The following PIAS1 variants were observed in gnomAD, a reference collection of about 807,000 sequenced individuals.
PIAS1 encodes the protein E3 SUMO-protein ligase PIAS1.
A neutral mutation model predicts 71.3 loss-of-function variants in PIAS1; 6 were observed. That is an observed-to-expected ratio of 0.08 (90% CI 0.05 to 0.17). The LOEUF is 0.17. PIAS1 is among the 10% of genes least tolerant of loss of function. PIAS1 has a pLI of 1.00. For missense variants in PIAS1, 555 were observed against 793.6 expected (o/e 0.70, Z 3.61); for synonymous variants, 303 against 292.9 (o/e 1.03, Z -0.35).
At chr15:68,070,497 G>T (rs545185034) in intron 1 of PIAS1, among the ~76,000 whole-genome samples, 1 of 152,238 alleles carries the variant, frequency 6.6e-6, no homozygotes, top group East Asian at 1.9e-4. Context: ...GTTGGAGCCT[G>T]AATGGCCAAG....
chr15:68,163,097 A>C (rs2092935843), intron 7 of PIAS1, among the ~76,000 whole-genome samples: 1 of 152,182 alleles, frequency 6.6e-6, no homozygotes, highest in Non-Finnish European at 1.5e-5. Context: ...CCCTTCGTTT[A>C]GTTAGTTGAC....
At chr15:68,078,456 A>G (rs1033542729) in intron 1 of PIAS1, among the ~76,000 whole-genome samples, 6 of 152,134 alleles carry the variant, frequency 3.9e-5, no homozygotes, top group East Asian at 1.9e-4. Context: ...CACTATTTCA[A>G]TTACATCTTT....
intron 1 of PIAS1, among the ~76,000 whole-genome samples, chr15:68,071,405 C>T (rs963706299): frequency 2.7e-5 from 4 of 148,858 alleles, no homozygotes; most frequent in African/African-American, 7.4e-5. Flanking sequence ...TTAGTAGAGA[C>T]GGGGTTTCAC....
rs1415447596 is a variant in PIAS1 at position 68,185,919 on chromosome 15, G to A, written c.1663-1623G>A. 2.0e-5 allele frequency among the ~76,000 whole-genome samples: 3 copies of A among 151,776 alleles called. No individual in the cohort carries two copies. Among genetic ancestry groups the A allele is most frequent in the African/African-American group, 7.3e-5 (3 of 41,262 alleles). ...GGAGGTTGCAGTGAGCCGAGATTGC[G>A]TGCACCACTCTACTCCAACCTGGGT... On this transcript the variant is annotated intron_variant, in intron 13 of 13. Coordinates refer to ENST00000249636, the MANE Select transcript of PIAS1 (RefSeq NM_016166.3). This position sits in a 1 kb window ranked among gnomAD's most constrained non-coding sequence, Gnocchi z 4.4.
intron 2 of PIAS1, among the ~76,000 whole-genome samples, chr15:68,130,146 AC>A (rs2092680107): frequency 6.6e-6 from 1 of 152,050 alleles, no homozygotes; most frequent in Non-Finnish European, 1.5e-5. Context: ...ATAAATATAT[AC>A]ACCTGTATAC....
At chr15:68,172,583 T>A (rs1359272923) in intron 8 of PIAS1, among the ~76,000 whole-genome samples, 1 of 152,214 alleles carries the variant, frequency 6.6e-6, no homozygotes, top group African/African-American at 2.4e-5. Context: ...GCACAAGCGT[T>A]TATATTTTTC....
At chr15:68,079,789 AG>A (rs1253378058) in intron 1 of PIAS1, among the ~76,000 whole-genome samples, 5 of 150,268 alleles carry the variant, frequency 3.3e-5, no homozygotes, top group African/African-American at 1.2e-4. Flanking sequence ...TAAACTTTTT[AG>A]GAAAAATATT....
In PIAS1 at chr15:68,164,789, T is replaced by G. The variant is rs919695948; in HGVS notation, c.993T>G (p.Val331=). 4 of 1,587,088 alleles carry G rather than the reference T, an allele frequency of 2.5e-6. No homozygotes were observed. In the African/African-American group the frequency reaches 5.4e-5, roughly 21 times the overall value. ...DSEIATTSLR[V]SLLCPLGKMR... ...AAATAGCTACAACCAGCCTAAGGGT[T>G]TCTCTACTATGTCCAGTAAGTGTTA... Residue 331 remains valine, a synonymous_variant, in exon 8 of 14, where the codon GTT becomes GTG. Coordinates refer to ENST00000249636, the MANE Select transcript of PIAS1 (RefSeq NM_016166.3).
chr15:68,157,990 A>G (rs1371177415), intron 7 of PIAS1, among the ~76,000 whole-genome samples: 1 of 152,162 alleles, frequency 6.6e-6, no homozygotes, highest in Admixed American at 6.6e-5. Flanking sequence ...TATTTTAAAA[A>G]CCATTCTTAG....
chr15:68,176,277 T>A (rs1425060340), intron 10 of PIAS1, among the ~76,000 whole-genome samples, 197 bp from the exon 11 acceptor site: 5 of 152,186 alleles, frequency 3.3e-5, no homozygotes, highest in Non-Finnish European at 7.4e-5. Context: ...ATTCAGTAAT[T>A]TATTATTTTG....
chr15:68,104,332 C>G (rs558764777), intron 2 of PIAS1, among the ~76,000 whole-genome samples: 1 of 152,056 alleles, frequency 6.6e-6, no homozygotes, highest in African/African-American at 2.4e-5. Flanking sequence ...TACTTTGTTT[C>G]TCTTTTATTT....
intron 2 of PIAS1, among the ~76,000 whole-genome samples, chr15:68,129,304 G>A (rs1236736375): frequency 6.6e-6 from 1 of 152,092 alleles, no homozygotes; most frequent in Non-Finnish European, 1.5e-5. Flanking sequence ...CTGGCCTCAA[G>A]TGATCCTTCT....
At chr15:68,120,804 G>A (rs975904871) in intron 2 of PIAS1, among the ~76,000 whole-genome samples, 4 of 151,948 alleles carry the variant, frequency 2.6e-5, no homozygotes, top group African/African-American at 4.8e-5. Context: ...ACAGGCACCC[G>A]CCACCACGCC....
chr15:68,126,489 C>G (rs76473262), intron 2 of PIAS1, among the ~76,000 whole-genome samples: 2 of 152,186 alleles, frequency 1.3e-5, no homozygotes, highest in African/African-American at 2.4e-5. Flanking sequence ...CTCACCCAGG[C>G]TGGAGTACAG....
intron 1 of PIAS1, among the ~76,000 whole-genome samples, chr15:68,072,861 A>G (rs2092114457): frequency 6.6e-6 from 1 of 152,046 alleles, no homozygotes; most frequent in Non-Finnish European, 1.5e-5. Context: ...ACAACTTCTC[A>G]TTCTTTGTAG....
chr15:68,145,618 C>T (rs2092802772), intron 4 of PIAS1, among the ~76,000 whole-genome samples, 198 bp from the exon 5 acceptor site: 2 of 152,094 alleles, frequency 1.3e-5, no homozygotes, highest in African/African-American at 2.4e-5. Context: ...GTCATGATTA[C>T]CACAACTCTA....
At chr15:68,156,937 G>C (rs753731274) in intron 7 of PIAS1, among the ~76,000 whole-genome samples, 1 of 152,172 alleles carries the variant, frequency 6.6e-6, no homozygotes, top group African/African-American at 2.4e-5. Context: ...GGCCAGTTGA[G>C]AACCTGTTTG....
intron 7 of PIAS1, among the ~76,000 whole-genome samples, chr15:68,155,549 TAA>T (rs1371975607): frequency 3.3e-5 from 5 of 152,080 alleles, no homozygotes; most frequent in East Asian, 1.9e-4. Context: ...TCAGGTATTT[TAA>T]AAGAGTCAAA....
intron 2 of PIAS1, among the ~76,000 whole-genome samples, chr15:68,111,108 T>A (rs138699716): frequency 7.3e-4 from 111 of 152,332 alleles, no homozygotes; most frequent in Middle Eastern, 3.4e-3. Flanking sequence ...TGAATTAAAC[T>A]GCTTTGGGTT....
Sources: allele counts gnomAD v4.1 joint callset (sites outside exome capture counted in the v4.1 genomes callset), GRCh38; gene constraint gnomAD v4.1.1; non-coding constraint Gnocchi (gnomAD v3.1); transcripts MANE v1.5; gene names NCBI Gene and HGNC (gene_info 2026-07-23, HGNC 2026-07-21).